CHD5: variants seen among roughly 807,000 people sequenced by gnomAD.
CHD5 encodes the protein chromodomain helicase DNA binding protein 5.
In CHD5, 69 loss-of-function variants were observed where a neutral mutation model predicts 230.3. The ratio of observed to expected loss-of-function variants is 0.30; its 90% confidence interval spans 0.25 to 0.37. The LOEUF (loss-of-function observed/expected upper bound fraction) is 0.37, where lower values mean the gene tolerates loss of function less well. Among genes scored for constraint, CHD5 ranks in the 10% least tolerant of loss-of-function variants. The probability of loss-of-function intolerance (pLI) is 1.00; values close to 1 mark genes in which losing one functional copy is unlikely to be tolerated. For synonymous variants in CHD5, 1,064 were observed against 1,065.9 expected, an observed-to-expected ratio of 1.00 and a Z score of 0.03; for missense variants, 1,827 against 2,622.8, an observed-to-expected ratio of 0.70 and a Z score of 6.63.
intron 1 of CHD5, among the ~76,000 whole-genome samples, chr1:6,168,673 C>T (rs1326987919): frequency 6.6e-6 from 1 of 152,206 alleles, no homozygotes; most frequent in Non-Finnish European, 1.5e-5. Flanking sequence ...CTCAGTGAGG[C>T]CCATCTCTCC....
At chr1:6,162,667 C>A (rs899590862) in intron 2 of CHD5, among the ~76,000 whole-genome samples, 1 of 152,164 alleles carries the variant, frequency 6.6e-6, no homozygotes, top group Non-Finnish European at 1.5e-5. Context: ...CCAGAAAATG[C>A]CCAAACAACC....
intron 39 of CHD5, 39 bp from the exon 40 acceptor site, chr1:6,106,548 C>T (rs1018482663): frequency 2.4e-5 from 37 of 1,550,102 alleles, no homozygotes; most frequent in Admixed American, 7.8e-5. Context: ...GGTCTCAGGC[C>T]CCCCACCCAG....
At position 6,121,260 on chromosome 1, in the gene CHD5, A is replaced by C. The variant is rs201312967; in HGVS notation, c.4780-23T>G. The C allele has an allele frequency of 2.6e-5, 42 of 1,601,278 alleles. No individual in the cohort carries two copies. Among genetic ancestry groups the C allele is most frequent in the Non-Finnish European group, 3.5e-5 (41 of 1,175,472 alleles). ...GGCCTGCAGAGGAAAAGCCAGGAGA[A>C]CTACAAGGCCTGGGGCCTCACCAGG... On this transcript the variant is annotated intron_variant, in intron 32 of 41. Coordinates refer to ENST00000262450, the MANE Select transcript of CHD5 (RefSeq NM_015557.3). The surrounding 1 kb of genome is among the most constrained non-coding windows in gnomAD (Gnocchi z 4.5).
In CHD5 at chr1:6,121,418, C is replaced by G. The variant is rs1666469072; in HGVS notation, c.4779+76G>C. The G allele has an allele frequency of 6.7e-7, 1 of 1,492,944 alleles. No homozygotes were observed. Among genetic ancestry groups the G allele is most frequent in the Non-Finnish European group, 9.2e-7 (1 of 1,083,578 alleles). The allele number at this position is 1,492,944 out of a possible 1,614,324, so 92.5% of individuals were successfully genotyped here. Reference sequence around the variant, plus strand: ...GAGGCCTGGGTTCCACCTCGCTGTACAGGGCCTGAGAAGGTCCCCAGACCC... The same window carrying G: ...GAGGCCTGGGTTCCACCTCGCTGTAGAGGGCCTGAGAAGGTCCCCAGACCC... On this transcript the variant is annotated intron_variant, in intron 32 of 41. Coordinates refer to ENST00000262450, the MANE Select transcript of CHD5 (RefSeq NM_015557.3). This position sits in a 1 kb window ranked among gnomAD's most constrained non-coding sequence, Gnocchi z 4.5.
In CHD5 at chr1:6,125,603, C is replaced by T. The variant is rs1404901753; in HGVS notation, c.4181G>A (p.Arg1394Gln). 1.9e-6 allele frequency: 3 copies of T among 1,609,044 alleles called. No homozygotes were observed. Among genetic ancestry groups the T allele is most frequent in the Admixed American group, 1.7e-5 (1 of 58,952 alleles). ...ACTCTTCAGCTGCCTCCGGGATTGT[C>T]GTCGTCCACCTGGGGAGCAGCCCGC... ...EERPEGQSGR[R>Q]QSRRQLKSDR... Residue 1394 changes from arginine to glutamine, a missense_variant, in exon 28 of 42, where the codon CGA becomes CAA. By Grantham distance (43) the Arg-to-Gln change is conservative (BLOSUM62 1). This residue lies in a region of CHD5 where 137 missense variants were observed against 272.7 expected (regional missense o/e 0.50). Transcript: ENST00000262450. The surrounding 1 kb of genome is among the most constrained non-coding windows in gnomAD (Gnocchi z 6.7).
At chr1:6,107,787 GAAGA>G (rs756323437) in intron 38 of CHD5, among the ~76,000 whole-genome samples, 117 of 133,034 alleles carry the variant, frequency 8.8e-4, no homozygotes, top group Non-Finnish European at 1.6e-3. Flanking sequence ...AGGGATGATG[GAAGA>G]ATGAAGGGAT....
At chr1:6,172,031 G>A (rs1667346254) in intron 1 of CHD5, among the ~76,000 whole-genome samples, 1 of 152,246 alleles carries the variant, frequency 6.6e-6, no homozygotes, top group Non-Finnish European at 1.5e-5. Flanking sequence ...GTCGACCAGA[G>A]GAAGGAGAGG....
chr1:6,173,266 G>A (rs944141417), intron 1 of CHD5, among the ~76,000 whole-genome samples: 48 of 151,894 alleles, frequency 3.2e-4, no homozygotes, highest in South Asian at 8.3e-4. Context: ...CACCACACCC[G>A]GCTAATTTTT....
Position 6,124,659 on chromosome 1 carries a change from GCT to G in CHD5, c.4395_4396del (p.Arg1465SerfsTer12). On this transcript the variant is annotated frameshift_variant and splice_region_variant, in exon 30 of 42. Coordinates refer to ENST00000262450, the MANE Select transcript of CHD5 (RefSeq NM_015557.3). LOFTEE classifies it high-confidence loss of function. ...GTGCCGCATGAAGAGGGACACATAGGCTCTGGGGTGGGGGGGGGGGACTGGGG... is the reference window on the plus strand; with the variant it reads ...GTGCCGCATGAAGAGGGACACATAGGCTGGGGTGGGGGGGGGGGACTGGGG... The G allele has an allele frequency of 9.4e-7, 1 of 1,062,132 alleles. No individual in the cohort carries two copies. The highest frequency in any genetic ancestry group is 1.3e-6 in the Non-Finnish European group (1 of 761,396). The allele number at this position is 1,062,132 out of a possible 1,614,324, so 65.8% of individuals were successfully genotyped here.
rs1666914217 is a variant in CHD5, at chr1:6,146,520, C to A, written c.1591-97G>T. 13 of 1,411,580 alleles carry A rather than the reference C, an allele frequency of 9.2e-6. No homozygotes were observed. The South Asian group carries it at 1.4e-4, about 16-fold the overall frequency. 87.4% of individuals were successfully genotyped at this position (1,411,580 alleles called of 1,614,324 possible). A position where few individuals can be genotyped will look rare whatever the true frequency, so the allele number is the denominator to read the frequency against. On this transcript the variant is annotated intron_variant, in intron 10 of 41. Coordinates refer to ENST00000262450, the MANE Select transcript of CHD5 (RefSeq NM_015557.3). This position sits in a 1 kb window ranked among gnomAD's most constrained non-coding sequence, Gnocchi z 5.1. ...CTCTAGCCCCAGCCCAGGTCCCAGG[C>A]AGGACAATCCTCCCGCTCAGCACCA...
intron 38 of CHD5, 23 bp downstream of exon 38, chr1:6,109,772 C>T (rs779314534): frequency 5.6e-6 from 9 of 1,604,206 alleles, no homozygotes; most frequent in South Asian, 1.1e-5. Flanking sequence ...GGGGCTGCAC[C>T]GTGGGGGGCA....
chr1:6,122,213 C>T (rs1053373385), intron 31 of CHD5, among the ~76,000 whole-genome samples: 2 of 152,190 alleles, frequency 1.3e-5, no homozygotes, highest in Admixed American at 6.5e-5. Context: ...TAGCTATGTC[C>T]GCCCCAGGCC....
chr1:6,107,400 GGTGGAGAA>G (rs1666199941), intron 38 of CHD5, among the ~76,000 whole-genome samples: 1 of 97,082 alleles, frequency 1.0e-5, no homozygotes, highest in African/African-American at 4.5e-5. Flanking sequence ...GGAATGGAGG[GGTGGAGAA>G]ATGGAGGGAT....
chr1:6,105,424 G>C lies in CHD5; in HGVS notation c.*50C>G. 1 of 470,618 alleles carries C rather than the reference G, an allele frequency of 2.1e-6. No individual in the cohort carries two copies. Among genetic ancestry groups the C allele is most frequent in the South Asian group, 1.5e-5 (1 of 64,524 alleles). 29.2% of individuals were successfully genotyped at this position (470,618 alleles called of 1,614,324 possible). ...GGGTCGGGCAGGTGGCCCGGCAGGC[G>C]TGGCTGCAAAACGCAAATCAGTGGG... On this transcript the variant is annotated 3_prime_UTR_variant, in exon 42 of 42. Transcript: ENST00000262450. This position sits in a 1 kb window ranked among gnomAD's most constrained non-coding sequence, Gnocchi z 4.8.
rs374065625 is a variant in CHD5, at chr1:6,131,761, C to T, written c.3145-13G>A. The T allele has an allele frequency of 5.2e-5, 82 of 1,571,226 alleles. No homozygotes were observed. The highest frequency in any genetic ancestry group is 6.7e-5 in the East Asian group (3 of 44,582). ...GCATCTTGGTCATCTGCAGGGGAGA[C>T]GGGCACGTGAGGAACTGCCAAGGAG... On this transcript the variant is annotated splice_polypyrimidine_tract_variant and intron_variant, in intron 20 of 41. Transcript: ENST00000262450. This position sits in a 1 kb window ranked among gnomAD's most constrained non-coding sequence, Gnocchi z 5.0.
intron 15 of CHD5, among the ~76,000 whole-genome samples, chr1:6,137,567 A>G (rs1231674878): frequency 1.3e-5 from 2 of 152,176 alleles, no homozygotes; most frequent in Admixed American, 6.5e-5. Flanking sequence ...TCCCGGCCTC[A>G]AGCAATCCTC....
chr1:6,125,457 C>T lies in CHD5; in HGVS notation c.4260+67G>A. 1.3e-6 allele frequency: 2 copies of T among 1,491,604 alleles called. No individual in the cohort carries two copies. The highest frequency in any genetic ancestry group is 9.1e-7 in the Non-Finnish European group (1 of 1,094,766). 92.4% of individuals were successfully genotyped at this position (1,491,604 alleles called of 1,614,324 possible). Reference sequence around the variant, plus strand: ...TGAGACCCGGGGCAGTCCCCCAGCCCTCCTCCATACCCCAGGGGCAGCAGG... The same window carrying T: ...TGAGACCCGGGGCAGTCCCCCAGCCTTCCTCCATACCCCAGGGGCAGCAGG... On this transcript the variant is annotated intron_variant, in intron 28 of 41. Transcript: ENST00000262450. This position sits in a 1 kb window ranked among gnomAD's most constrained non-coding sequence, Gnocchi z 6.7.
At chr1:6,127,445 C>T (rs1404636065) in intron 25 of CHD5, among the ~76,000 whole-genome samples, 2 of 151,906 alleles carry the variant, frequency 1.3e-5, no homozygotes, top group Non-Finnish European at 2.9e-5. Context: ...GATACTGCGC[C>T]ACTGCACTCC....
Position 6,106,517 on chromosome 1 carries a change from C to A in CHD5, c.5743-8G>T. Reference sequence around the variant, plus strand: ...GGAGGAGCCGAAAGCGCCCTGGAGGCAAGGACTCAGCTTCACAGGTGGTCT... The same window carrying A: ...GGAGGAGCCGAAAGCGCCCTGGAGGAAAGGACTCAGCTTCACAGGTGGTCT... On this transcript the variant is annotated splice_polypyrimidine_tract_variant and splice_region_variant and intron_variant, in intron 39 of 41. Transcript: ENST00000262450. 6.4e-7 allele frequency: 1 copy of A among 1,551,198 alleles called. No homozygotes were observed. The highest frequency in any genetic ancestry group is 8.7e-7 in the Non-Finnish European group (1 of 1,147,358).
Sources: allele counts gnomAD v4.1 joint callset (sites outside exome capture counted in the v4.1 genomes callset), GRCh38; gene constraint gnomAD v4.1.1; regional missense constraint gnomAD v4.1.1; non-coding constraint Gnocchi (gnomAD v3.1); transcripts MANE v1.5; gene names NCBI Gene and HGNC (gene_info 2026-07-23, HGNC 2026-07-21).